RASGRP1: variants seen among roughly 807,000 people sequenced by gnomAD.
RASGRP1 encodes RAS guanyl releasing protein 1, also known as RAS guanyl-releasing protein 1.
A neutral mutation model predicts 95.1 loss-of-function variants in RASGRP1; 37 were observed. The observed-to-expected ratio is 0.39, with a 90% CI of 0.30 to 0.51. The LOEUF (loss-of-function observed/expected upper bound fraction) is 0.51, where lower values mean the gene tolerates loss of function less well. Ranked by LOEUF, RASGRP1 falls within the 20% of genes least tolerant of loss-of-function variation. The pLI, the probability that RASGRP1 is intolerant of heterozygous loss-of-function variation, is 0.80. For synonymous variants in RASGRP1, 325 were observed against 353.4 expected (o/e 0.92, Z 0.90); for missense variants, 711 against 965.4 (o/e 0.74, Z 3.49).
Position 38,512,793 on chromosome 15 carries a change from TG to T in RASGRP1, c.838del (p.Gln280ArgfsTer15). 6.2e-7 allele frequency: 1 copy of T among 1,613,724 alleles called. No homozygotes were observed. Among genetic ancestry groups the T allele is most frequent in the Non-Finnish European group, 8.5e-7 (1 of 1,179,726 alleles). ...LRAEVFIKFI[Q>X]VAQKLHQLQN... is the part of the protein sequence containing the mutation. Reference sequence around the variant, plus strand: ...AAACCAGTTATTCACCTGAGCCACCTGGATGAACTTGATGAAGACTTCTGCT... The same window carrying T: ...AAACCAGTTATTCACCTGAGCCACCTGATGAACTTGATGAAGACTTCTGCT... On this transcript the variant is annotated frameshift_variant, in exon 7 of 17. Transcript: ENST00000310803. LOFTEE classifies it high-confidence loss of function.
chr15:38,502,571 A>G (rs1024623153), intron 11 of RASGRP1, 150 bp from the exon 12 acceptor site: 14 of 606,766 alleles, frequency 2.3e-5, no homozygotes, highest in Non-Finnish European at 3.8e-5. Flanking sequence ...TAGCTGTGGC[A>G]AAGATGTGGC....
At chr15:38,501,980 G>A (rs1002218613) in intron 12 of RASGRP1, among the ~76,000 whole-genome samples, 5 of 151,388 alleles carry the variant, frequency 3.3e-5, no homozygotes, top group Non-Finnish European at 5.9e-5. Context: ...TCAGCCTCCC[G>A]AGTAGCTGGG....
At chr15:38,495,418 G>A (rs1890759937) in intron 15 of RASGRP1, among the ~76,000 whole-genome samples, 1 of 152,180 alleles carries the variant, frequency 6.6e-6, no homozygotes, top group African/African-American at 2.4e-5. Context: ...TAAAGTAAGA[G>A]CAGATGTATT....
Position 38,511,729 on chromosome 15 carries a change from C to G in RASGRP1, c.850-9G>C, listed in dbSNP as rs754181194. 2 of 1,602,094 alleles carry G rather than the reference C, an allele frequency of 1.2e-6. No individual in the cohort carries two copies. Among genetic ancestry groups the G allele is most frequent in the Admixed American group, 3.3e-5 (2 of 59,980 alleles). ...TGTAGTTGGTGGAGCTTCTGTGACA[C>G]AGAAGACAGATGACAGCAGAGTCAC... is the stretch of plus-strand genomic sequence containing the variant. On this transcript the variant is annotated splice_polypyrimidine_tract_variant and intron_variant, in intron 7 of 16. Coordinates refer to ENST00000310803, the MANE Select transcript of RASGRP1 (RefSeq NM_005739.4).
chr15:38,548,116 C>T (rs1380959406), intron 2 of RASGRP1, among the ~76,000 whole-genome samples: 3 of 151,928 alleles, frequency 2.0e-5, no homozygotes, highest in Admixed American at 6.6e-5. Context: ...TAACCATTTT[C>T]ATTCTTTATT....
chr15:38,515,518 AC>A (rs1385912377), intron 6 of RASGRP1, among the ~76,000 whole-genome samples: 6 of 152,196 alleles, frequency 3.9e-5, no homozygotes, highest in South Asian at 2.1e-4. Context: ...GAAAGGATGA[AC>A]CTGTACTCTT....
At position 38,525,068 on chromosome 15, in the gene RASGRP1, A is replaced by C. The variant is rs1892163325; in HGVS notation, c.326+1231T>G. Among the ~76,000 whole-genome samples, 4 of 151,774 alleles carry C rather than the reference A, an allele frequency of 2.6e-5. No individual in the cohort carries two copies. In the South Asian group the frequency reaches 8.3e-4, roughly 32 times the overall value. ...CTGCAACCTCCACTTCCCAGGTTCA[A>C]GTGATTCTCCTGCCTCAGCCTCATG... is the stretch of plus-strand genomic sequence containing the variant. On this transcript the variant is annotated intron_variant, in intron 3 of 16. Transcript: ENST00000310803.
In RASGRP1 at chr15:38,512,875, C is replaced by T. The variant is rs770594654; in HGVS notation, c.757G>A (p.Gly253Ser). The T allele has an allele frequency of 1.9e-6, 3 of 1,613,110 alleles. No homozygotes were observed. The highest frequency in any genetic ancestry group is 1.1e-5 in the South Asian group (1 of 90,910). ...ATCAGTTGTACCCACTGGGAGATGC[C>T]GTTGCACAGAGCAATAGATCGCTCC... The part of the protein sequence containing the change: ...TMERSIALCN[G>S]ISQWVQLMVL... Residue 253 changes from glycine (G) to serine (S), a missense_variant, in exon 7 of 17, where the codon GGC becomes AGC. By Grantham distance (56) the Gly-to-Ser change is moderately conservative (BLOSUM62 0). Coordinates refer to ENST00000310803, the MANE Select transcript of RASGRP1 (RefSeq NM_005739.4).
intron 2 of RASGRP1, among the ~76,000 whole-genome samples, chr15:38,557,872 TGTC>T (rs1396527119): frequency 6.6e-6 from 1 of 152,150 alleles, no homozygotes; most frequent in African/African-American, 2.4e-5. Context: ...CACAATATAT[TGTC>T]GTTGCCTTTG....
At chr15:38,531,931 G>A (rs906349978) in intron 2 of RASGRP1, among the ~76,000 whole-genome samples, 12 of 151,876 alleles carry the variant, frequency 7.9e-5, no homozygotes, top group Non-Finnish European at 1.2e-4. Flanking sequence ...CCCTCATTCC[G>A]TACAGCATGC....
intron 9 of RASGRP1, 77 bp downstream of exon 9, chr15:38,507,649 A>G (rs762972773): frequency 6.9e-7 from 1 of 1,442,408 alleles, no homozygotes; most frequent in Non-Finnish European, 9.4e-7. Flanking sequence ...ACTAACAGCT[A>G]ATATTTGGTA....
At chr15:38,560,106 G>A in intron 1 of RASGRP1, 101 bp from the exon 2 acceptor site, 1 of 1,126,512 alleles carries the variant, frequency 8.9e-7, no homozygotes, top group Non-Finnish European at 1.3e-6. Context: ...TTAATCTCAG[G>A]AGCTGGGCTG....
chr15:38,504,280 G>A (rs1387400302), intron 10 of RASGRP1: 1 of 151,850 alleles, frequency 6.6e-6, no homozygotes, highest in African/African-American at 2.4e-5. Flanking sequence ...TTTCTTCAAT[G>A]ATAAATTACC....
intron 2 of RASGRP1, chr15:38,534,724 C>A (rs1176740601): frequency 6.6e-6 from 1 of 152,262 alleles, no homozygotes; most frequent in Non-Finnish European, 1.5e-5. Flanking sequence ...ATCTGGTTAA[C>A]CCACCCCCAG....
intron 11 of RASGRP1, chr15:38,503,014 C>T (rs56224278): frequency 0.012 from 6,078 of 524,116 alleles, 57 homozygotes; most frequent in Non-Finnish European, 0.017. Flanking sequence ...TTCTGTACTC[C>T]TAAATCAACT....
intron 16 of RASGRP1, among the ~76,000 whole-genome samples, chr15:38,494,087 A>C (rs1446581633): frequency 2.0e-5 from 3 of 152,162 alleles, no homozygotes; most frequent in Admixed American, 6.5e-5. Flanking sequence ...TGGCACCAGC[A>C]CTCTGAAATG....
chr15:38,488,738 A>G lies in RASGRP1; in HGVS notation c.*1816T>C, dbSNP rs987935046. Reference sequence around the variant, plus strand: ...AATTAGAGTACACCATCTTTGGTCTATATCAATCAAAGGAAAACAAGAATA... The same window carrying G: ...AATTAGAGTACACCATCTTTGGTCTGTATCAATCAAAGGAAAACAAGAATA... On this transcript the variant is annotated 3_prime_UTR_variant, in exon 17 of 17. Transcript: ENST00000310803. The G allele has an allele frequency of 9.2e-5, 14 of 152,028 alleles. No homozygotes were observed. Among genetic ancestry groups the G allele is most frequent in the Admixed American group, 9.2e-4 (14 of 15,270 alleles). 9.4% of individuals were successfully genotyped at this position (152,028 alleles called of 1,614,324 possible).
chr15:38,497,718 C>T (rs186412478), intron 15 of RASGRP1, among the ~76,000 whole-genome samples: 1 of 152,322 alleles, frequency 6.6e-6, no homozygotes, highest in Non-Finnish European at 1.5e-5. Context: ...CAGAGACAGT[C>T]TATTCTGCTT....
intron 1 of RASGRP1, among the ~76,000 whole-genome samples, chr15:38,562,930 G>C (rs961741833): frequency 6.6e-6 from 1 of 152,208 alleles, no homozygotes; most frequent in Admixed American, 6.5e-5. Context: ...TCAGGGTAAA[G>C]TATAGGGTAG....
Sources: gnomAD v4.1 joint callset for allele counts (sites outside exome capture counted in the v4.1 genomes callset) on GRCh38, gnomAD v4.1.1 for gene constraint, MANE v1.5 for transcripts, NCBI Gene and HGNC (gene_info 2026-07-23, HGNC 2026-07-21) for gene names.